TLK2: variants seen among roughly 807,000 people sequenced by gnomAD.
TLK2 encodes tousled like kinase 2.
In TLK2, 6 loss-of-function variants were observed where a neutral mutation model predicts 117.3. That is an observed-to-expected ratio of 0.05 (90% CI 0.03 to 0.10). The LOEUF is 0.10. Among genes scored for constraint, TLK2 ranks in the 10% least tolerant of loss-of-function variants. The pLI is 1.00. For synonymous variants in TLK2, 257 were observed against 316.7 expected, an observed-to-expected ratio of 0.81 and a Z score of 2.00; for missense variants, 299 against 901.2, an observed-to-expected ratio of 0.33 and a Z score of 8.56.
At chr17:62,512,861 A>AAATATT (rs1555610961) in intron 2 of TLK2, among the ~76,000 whole-genome samples, 2 of 141,166 alleles carry the variant, frequency 1.4e-5, no homozygotes, top group African/African-American at 5.2e-5. Context: ...AAAATTTATT[A>AAATATT]ATTATTATTA....
chr17:62,592,276 A>G (rs1188519197), intron 16 of TLK2, among the ~76,000 whole-genome samples: 1 of 152,174 alleles, frequency 6.6e-6, no homozygotes, highest in African/African-American at 2.4e-5. Flanking sequence ...CATTCTTAAA[A>G]TAGTATTGGT....
At chr17:62,509,408 C>T (rs2074973812) in intron 2 of TLK2, among the ~76,000 whole-genome samples, 1 of 152,128 alleles carries the variant, frequency 6.6e-6, no homozygotes, top group Admixed American at 6.5e-5. Context: ...CTTTAAGAAG[C>T]GGATACTTCT....
intron 2 of TLK2, among the ~76,000 whole-genome samples, chr17:62,511,009 CA>C (rs1403334885): frequency 6.6e-6 from 1 of 152,146 alleles, no homozygotes; most frequent in African/African-American, 2.4e-5. Context: ...GGAAGTTGCA[CA>C]AAATGTATAG....
chr17:62,527,437 G>T (rs1223253296), intron 6 of TLK2, among the ~76,000 whole-genome samples: 8 of 152,076 alleles, frequency 5.3e-5, no homozygotes, highest in Non-Finnish European at 1.0e-4. Context: ...AATATTACCA[G>T]TGCTGCAGAA....
intron 2 of TLK2, among the ~76,000 whole-genome samples, chr17:62,517,050 C>T (rs1567833118): frequency 6.6e-6 from 1 of 152,066 alleles, no homozygotes; most frequent in African/African-American, 2.4e-5. Context: ...GGATTACAGG[C>T]GTGTGTCACC....
intron 6 of TLK2, among the ~76,000 whole-genome samples, chr17:62,531,737 A>G (rs768177528): frequency 3.6e-4 from 55 of 152,268 alleles, no homozygotes; most frequent in Admixed American, 5.9e-4. Flanking sequence ...TAGTGAATTT[A>G]TGGCTTATAT....
chr17:62,525,638 C>T (rs913557309), intron 6 of TLK2, among the ~76,000 whole-genome samples: 8 of 151,928 alleles, frequency 5.3e-5, no homozygotes, highest in African/African-American at 7.2e-5. Context: ...TTTGTAGAGG[C>T]GTGGTTTCAC....
intron 16 of TLK2, among the ~76,000 whole-genome samples, chr17:62,590,126 A>G (rs866739415): frequency 6.7e-6 from 1 of 149,372 alleles, no homozygotes; most frequent in East Asian, 2.0e-4. Context: ...GAAAAAAAAA[A>G]CAAAAAAAAC....
At chr17:62,492,097 A>C (rs1430223041) in intron 2 of TLK2, among the ~76,000 whole-genome samples, 2 of 152,244 alleles carry the variant, frequency 1.3e-5, no homozygotes, top group African/African-American at 2.4e-5. Flanking sequence ...TTTGAGATAC[A>C]GGATAATAAA....
intron 10 of TLK2, among the ~76,000 whole-genome samples, chr17:62,563,217 G>A (rs1386865348): frequency 6.6e-6 from 1 of 152,188 alleles, no homozygotes; most frequent in African/African-American, 2.4e-5. Flanking sequence ...CTACATGAGG[G>A]TGGGCGAATA....
intron 7 of TLK2, among the ~76,000 whole-genome samples, chr17:62,546,344 G>GTTTTTTTTTTTTTT (rs61100480): frequency 0.22 from 5,099 of 23,072 alleles, 2,045 homozygotes; most frequent in Admixed American, 0.29. Context: ...TTTGTTGATT[G>GTTTTTTTTTTTTTT]TTTTTTTTTT....
At chr17:62,523,625 T>C (rs1268885516) in intron 5 of TLK2, among the ~76,000 whole-genome samples, 1 of 152,176 alleles carries the variant, frequency 6.6e-6, no homozygotes, top group Non-Finnish European at 1.5e-5. Context: ...ACTGTACTCT[T>C]CTTCCCTTTC....
chr17:62,474,711 G>T (rs12943343), upstream of TLK2, among the ~76,000 whole-genome samples: 8 of 151,904 alleles, frequency 5.3e-5, no homozygotes, highest in Non-Finnish European at 1.2e-4. Flanking sequence ...GCCCGGCCTA[G>T]AAGACGGAAG....
In TLK2 at chr17:62,481,275, G is replaced by A. The variant is rs2144338172; in HGVS notation, c.81+69G>A. ...AAACACATTTTTTAAATGATTAAGA[G>A]CAATTTGGGTAGGCCCTTCTGATAG... On this transcript the variant is annotated intron_variant, in intron 2 of 21. Transcript: ENST00000346027. The A allele has an allele frequency of 5.1e-6, 8 of 1,568,770 alleles. No homozygotes were observed. In the South Asian group the frequency reaches 9.1e-5, roughly 18 times the overall value.
At chr17:62,532,792 A>T (rs2076832731) in intron 6 of TLK2, among the ~76,000 whole-genome samples, 1 of 152,216 alleles carries the variant, frequency 6.6e-6, no homozygotes, top group African/African-American at 2.4e-5. Flanking sequence ...TGCAATGAAC[A>T]TCCTTATACA....
At chr17:62,506,463 C>T (rs2074697633) in intron 2 of TLK2, among the ~76,000 whole-genome samples, 1 of 152,144 alleles carries the variant, frequency 6.6e-6, no homozygotes, top group Admixed American at 6.6e-5. Flanking sequence ...TACACCAGTT[C>T]CAGTAGGAAT....
At chr17:62,541,675 G>A (rs182478368) in intron 7 of TLK2, among the ~76,000 whole-genome samples, 6 of 152,120 alleles carry the variant, frequency 3.9e-5, no homozygotes, top group Non-Finnish European at 7.4e-5. Context: ...GCTATTTACA[G>A]GTGCAATCAT....
chr17:62,527,041 T>G (rs1243927055), intron 6 of TLK2, among the ~76,000 whole-genome samples: 1 of 152,210 alleles, frequency 6.6e-6, no homozygotes, highest in Non-Finnish European at 1.5e-5. Flanking sequence ...CTCCCTCTCC[T>G]TCATGCCACT....
At chr17:62,519,919 G>A (rs2465449) in intron 2 of TLK2, among the ~76,000 whole-genome samples, 2 of 151,946 alleles carry the variant, frequency 1.3e-5, no homozygotes, top group African/African-American at 2.4e-5. Context: ...TTCCACTTGC[G>A]TAGTACCACA....
Sources: allele counts gnomAD v4.1 joint callset (sites outside exome capture counted in the v4.1 genomes callset), GRCh38; gene constraint gnomAD v4.1.1; transcripts MANE v1.5; gene names NCBI Gene and HGNC (gene_info 2026-07-23, HGNC 2026-07-21).